Variants in CCNH observed in about 807,000 individuals in gnomAD.
The protein encoded by CCNH is cyclin H, also known as cyclin-H.
Under a neutral mutation model 41.9 loss-of-function variants are expected in CCNH, and 31 were observed. The ratio of observed to expected loss-of-function variants is 0.74; its 90% CI spans 0.56 to 1.00. The LOEUF is 1.00. Among genes scored for constraint, CCNH ranks in the 50% least tolerant of loss-of-function variants. CCNH has a pLI of 0.00. For synonymous variants in CCNH, 138 were observed against 136.1 expected, an observed-to-expected ratio of 1.01 and a Z score of -0.10; for missense variants, 362 against 388.4, an observed-to-expected ratio of 0.93 and a Z score of 0.57.
intron 9 of CCNH, chr5:87,333,146 ATT>A: frequency 7.0e-7 from 1 of 1,421,038 alleles, no homozygotes; most frequent in Admixed American, 2.7e-5. Context: ...GTAAAAATTT[ATT>A]TGAATGATCC....
chr5:87,342,465 T>TAAA (rs1758542701), intron 9 of CCNH, among the ~76,000 whole-genome samples: 1 of 152,166 alleles, frequency 6.6e-6, no homozygotes, highest in Non-Finnish European at 1.5e-5. Flanking sequence ...AGCTAGGAGT[T>TAAA]GCAAATTCTA....
At chr5:87,331,186 A>T in intron 9 of CCNH, 1 of 958,948 alleles carries the variant, frequency 1.0e-6, no homozygotes, top group Non-Finnish European at 1.6e-6. Flanking sequence ...TTTGAGACTG[A>T]GGTTAAATTG....
intron 9 of CCNH, among the ~76,000 whole-genome samples, chr5:87,365,297 ACTGTT>A (rs1436247053): frequency 6.6e-6 from 1 of 152,144 alleles, no homozygotes; most frequent in Non-Finnish European, 1.5e-5. Flanking sequence ...CCCTGTATAA[ACTGTT>A]CTAATTCATT....
intron 9 of CCNH, among the ~76,000 whole-genome samples, chr5:87,347,920 A>AAT (rs1758978833): frequency 1.3e-5 from 2 of 152,000 alleles, no homozygotes; most frequent in South Asian, 4.1e-4. Flanking sequence ...AAGGTTGAAA[A>AAT]GGAGCTAAAC....
intron 9 of CCNH, among the ~76,000 whole-genome samples, chr5:87,322,714 C>T (rs1361965539): frequency 2.0e-5 from 3 of 152,332 alleles, no homozygotes; most frequent in African/African-American, 7.2e-5. Context: ...ATTACCCAGT[C>T]TCAAGACAGA....
chr5:87,394,792 A>T (rs1288687970), intron 8 of CCNH: 2 of 1,342,392 alleles, frequency 1.5e-6, no homozygotes, highest in African/African-American at 3.0e-5. Context: ...AAAAAAAGCA[A>T]AAATGTAGTA....
chr5:87,325,846 C>G (rs1222861437), intron 9 of CCNH, among the ~76,000 whole-genome samples: 3 of 152,186 alleles, frequency 2.0e-5, no homozygotes, highest in Non-Finnish European at 4.4e-5. Flanking sequence ...TGTATTCACA[C>G]TAGGATATTT....
At chr5:87,353,430 C>T (rs1759427085) in intron 9 of CCNH, among the ~76,000 whole-genome samples, 1 of 151,894 alleles carries the variant, frequency 6.6e-6, no homozygotes, top group Admixed American at 6.6e-5. Context: ...TCAGGAACAA[C>T]CTAGTGGCTT....
intron 9 of CCNH, chr5:87,383,927 T>G (rs1580404193): frequency 2.7e-6 from 2 of 727,634 alleles, no homozygotes; most frequent in African/African-American, 3.6e-5. Flanking sequence ...CACCCTTCCT[T>G]CCTTGTGCTT....
chr5:87,341,268 T>C lies in CCNH; in HGVS notation c.*91-22371A>G, dbSNP rs1758419981. 2.4e-6 allele frequency: 3 copies of C among 1,260,870 alleles called. No individual in the cohort carries two copies. The Admixed American group carries it at 1.2e-4, about 49-fold the overall frequency. The allele number at this position is 1,260,870 out of a possible 1,614,324, so 78.1% of individuals were successfully genotyped here. A position where few individuals can be genotyped will look rare whatever the true frequency, so the allele number is the denominator to read the frequency against. ...ATTAATAGTTAATTATATAAAATAC[T>C]GTCTTAATGTCTTCCCTTTAGGGCC... is the stretch of plus-strand genomic sequence containing the variant. On this transcript the variant is annotated intron_variant and NMD_transcript_variant, in intron 9 of 9. Transcript: ENST00000645953.
intron 7 of CCNH, among the ~76,000 whole-genome samples, chr5:87,396,089 C>A (rs571228109): frequency 4.6e-5 from 7 of 150,710 alleles, no homozygotes; most frequent in Admixed American, 2.0e-4. Context: ...AGAATTTTTT[C>A]TTATTATTCC....
chr5:87,390,856 G>A, downstream of CCNH: 2 of 1,613,444 alleles, frequency 1.2e-6, no homozygotes, highest in Non-Finnish European at 1.7e-6. Context: ...AACAAAACCA[G>A]TATACAAAAA....
At chr5:87,312,656 T>C in the CCNH span, among the ~76,000 whole-genome samples, 1 of 152,176 alleles carries the variant, frequency 6.6e-6, no homozygotes, top group East Asian at 1.9e-4. Flanking sequence ...GAAAGATAGT[T>C]TGCAACTGGA....
upstream of CCNH, chr5:87,379,874 A>G (rs751808919): frequency 1.2e-6 from 2 of 1,606,286 alleles, no homozygotes; most frequent in East Asian, 2.2e-5. Flanking sequence ...TTTTCATTTG[A>G]CAAGAAATTG....
At chr5:87,338,130 A>G in intron 9 of CCNH, 20 of 1,608,776 alleles carry the variant, frequency 1.2e-5, no homozygotes, top group Non-Finnish European at 1.6e-5. Flanking sequence ...TAGATTCTAA[A>G]TATTTTATAA....
At chr5:87,361,876 A>G (rs1023163410) in intron 9 of CCNH, among the ~76,000 whole-genome samples, 1 of 152,164 alleles carries the variant, frequency 6.6e-6, no homozygotes, top group Non-Finnish European at 1.5e-5. Flanking sequence ...ACATCCTACA[A>G]TAAATATGGC....
intron 9 of CCNH, among the ~76,000 whole-genome samples, chr5:87,344,348 A>G (rs1326986053): frequency 6.6e-6 from 1 of 152,096 alleles, no homozygotes; most frequent in African/African-American, 2.4e-5. Context: ...AAAACAGAAA[A>G]AATAAAAATT....
downstream of CCNH, chr5:87,392,420 T>C (rs916129931): frequency 2.2e-6 from 1 of 450,070 alleles, no homozygotes; most frequent in African/African-American, 2.0e-5. Context: ...CTCCTTTTCC[T>C]TGAAATCAGC....
At chr5:87,388,262 A>G (rs1762205922), downstream of CCNH, among the ~76,000 whole-genome samples, 1 of 152,168 alleles carries the variant, frequency 6.6e-6, no homozygotes, top group Non-Finnish European at 1.5e-5. Flanking sequence ...TCTCTGTCCC[A>G]TAGATAACAT....
Sources: allele counts gnomAD v4.1 joint callset (sites outside exome capture counted in the v4.1 genomes callset), GRCh38; gene constraint gnomAD v4.1.1; transcripts MANE v1.5; gene names NCBI Gene and HGNC (gene_info 2026-07-23, HGNC 2026-07-21).